Variants in RIMS2 observed in about 807,000 individuals in gnomAD.
RIMS2 encodes the protein regulating synaptic membrane exocytosis protein 2.
RIMS2 carries 59 observed loss-of-function variants against 174.4 expected under a neutral mutation model. The observed-to-expected ratio is 0.34, with a 90% CI of 0.27 to 0.42. The LOEUF (loss-of-function observed/expected upper bound fraction) is 0.42. Ranked by LOEUF, RIMS2 falls within the 10% of genes least tolerant of loss-of-function variation. The pLI is 1.00. For synonymous variants in RIMS2, 606 were observed against 572.5 expected, an observed-to-expected ratio of 1.06 and a Z score of -0.84; for missense variants, 1,620 against 1,666.3, an observed-to-expected ratio of 0.97 and a Z score of 0.48.
At chr8:103,601,672 T>C (rs1247176699) in intron 1 of RIMS2, among the ~76,000 whole-genome samples, 1 of 152,196 alleles carries the variant, frequency 6.6e-6, no homozygotes. Flanking sequence ...TTGTTATTAT[T>C]GATGAGGACT....
chr8:103,918,641 A>G (rs190206438), intron 9 of RIMS2, 154 bp downstream of exon 12: 169 of 609,072 alleles, frequency 2.8e-4, no homozygotes, highest in Non-Finnish European at 7.4e-5. Context: ...GTATTATTTC[A>G]TGTCACTGTG....
chr8:103,533,661 CAAAAAAAA>C (rs34355378), intron 1 of RIMS2, among the ~76,000 whole-genome samples: 1 of 66,088 alleles, frequency 1.5e-5, no homozygotes, highest in African/African-American at 5.6e-5. Flanking sequence ...GACCCTGTCT[CAAAAAAAA>C]AAAAAAAAAA....
intron 19 of RIMS2, among the ~76,000 whole-genome samples, chr8:104,188,225 A>AGATAGATAGAT (rs1554594251): frequency 3.5e-5 from 4 of 113,626 alleles, no homozygotes; most frequent in African/African-American, 1.3e-4. Flanking sequence ...TTGTTCAGAT[A>AGATAGATAGAT]GATAGATAGA....
At chr8:104,207,243 AC>A (rs1241442087) in intron 19 of RIMS2, among the ~76,000 whole-genome samples, 20 of 152,200 alleles carry the variant, frequency 1.3e-4, no homozygotes, top group Non-Finnish European at 2.8e-4. Context: ...ATCATGGATA[AC>A]CAATGTCTTT....
At chr8:103,701,049 G>A (rs2097160788) in intron 2 of RIMS2, among the ~76,000 whole-genome samples, 1 of 151,804 alleles carries the variant, frequency 6.6e-6, no homozygotes, top group African/African-American at 2.4e-5. Context: ...ATTTATTCTT[G>A]TAGTTATTTC....
chr8:103,935,730 A>G (rs1229127719), intron 12 of RIMS2, among the ~76,000 whole-genome samples: 2 of 152,216 alleles, frequency 1.3e-5, no homozygotes, highest in African/African-American at 4.8e-5. Flanking sequence ...GGTTGGATGT[A>G]CCCTAGGTGA....
chr8:103,837,626 C>T (rs1217338727), intron 3 of RIMS2, among the ~76,000 whole-genome samples: 1 of 151,988 alleles, frequency 6.6e-6, no homozygotes, highest in Non-Finnish European at 1.5e-5. Context: ...GTTTTTTGTC[C>T]TTGCGATAGT....
At chr8:103,912,453 ATT>A (rs533266522) in intron 6 of RIMS2, among the ~76,000 whole-genome samples, 38 of 152,266 alleles carry the variant, frequency 2.5e-4, no homozygotes, top group Admixed American at 6.5e-4. Context: ...GGTCGAATGT[ATT>A]TTAATTATAC....
chr8:103,735,321 C>T (rs929496404), intron 2 of RIMS2, among the ~76,000 whole-genome samples: 1 of 152,094 alleles, frequency 6.6e-6, no homozygotes, highest in South Asian at 2.1e-4. Context: ...TTGTTACTTT[C>T]TATAGCCTAA....
intron 1 of RIMS2, among the ~76,000 whole-genome samples, chr8:103,558,542 C>G (rs1168616637): frequency 6.6e-6 from 1 of 152,110 alleles, no homozygotes; most frequent in Non-Finnish European, 1.5e-5. Flanking sequence ...TTATCTTTGG[C>G]CTTTTTAACC....
intron 4 of RIMS2, among the ~76,000 whole-genome samples, chr8:103,894,166 A>G (rs2154522325): frequency 6.8e-6 from 1 of 148,136 alleles, no homozygotes; most frequent in East Asian, 2.0e-4. Flanking sequence ...CTATTTTAAG[A>G]GAAACTTATA....
chr8:104,075,484 T>G (rs2097271777), intron 19 of RIMS2, among the ~76,000 whole-genome samples: 1 of 152,186 alleles, frequency 6.6e-6, no homozygotes, highest in South Asian at 2.1e-4. Flanking sequence ...AGAATTAAGA[T>G]CACTTACTCA....
At chr8:104,217,784 A>G (rs2441917) in intron 19 of RIMS2, among the ~76,000 whole-genome samples, 50,656 of 152,086 alleles carry the variant, frequency 0.33, 8,732 homozygotes, top group African/African-American at 0.43. Context: ...TCATATTCAC[A>G]TCAAGGGTAA....
At chr8:104,007,343 C>T (rs907889426) in intron 17 of RIMS2, among the ~76,000 whole-genome samples, 2 of 152,078 alleles carry the variant, frequency 1.3e-5, no homozygotes, top group Non-Finnish European at 1.5e-5. Context: ...TAATTTATTA[C>T]TTGGAAATTA....
At chr8:104,179,387 A>C (rs1490389971) in intron 19 of RIMS2, among the ~76,000 whole-genome samples, 1 of 152,012 alleles carries the variant, frequency 6.6e-6, no homozygotes, top group Non-Finnish European at 1.5e-5. Context: ...TTATTATCTT[A>C]TTAAGGATTC....
chr8:103,527,732 A>G (rs1224537045), intron 1 of RIMS2, among the ~76,000 whole-genome samples: 1 of 152,206 alleles, frequency 6.6e-6, no homozygotes, highest in East Asian at 1.9e-4. Context: ...ATCCTTTTTT[A>G]TGGATGCATA....
intron 19 of RIMS2, among the ~76,000 whole-genome samples, chr8:104,219,030 T>C (rs1475579243): frequency 6.6e-6 from 1 of 152,222 alleles, no homozygotes; most frequent in African/African-American, 2.4e-5. Flanking sequence ...TAATTTCACG[T>C]AATTTAAAAC....
At chr8:103,788,064 G>C (rs966537566) in intron 3 of RIMS2, among the ~76,000 whole-genome samples, 16 of 149,852 alleles carry the variant, frequency 1.1e-4, no homozygotes, top group African/African-American at 4.0e-4. Context: ...TGATCGCATT[G>C]GCTCCTGAGG....
chr8:103,595,211 G>T (rs1210100305), intron 1 of RIMS2, among the ~76,000 whole-genome samples: 1 of 151,664 alleles, frequency 6.6e-6, no homozygotes, highest in Non-Finnish European at 1.5e-5. Flanking sequence ...CCCTTTGTTT[G>T]TCTTTTAATA....
Sources: gnomAD v4.1 joint callset for allele counts (sites outside exome capture counted in the v4.1 genomes callset) on GRCh38, gnomAD v4.1.1 for gene constraint, MANE v1.5 for transcripts, NCBI Gene and HGNC (gene_info 2026-07-23, HGNC 2026-07-21) for gene names.